Variants in ACTN2 observed in about 807,000 individuals in gnomAD.
ACTN2 encodes the protein actinin alpha 2.
In ACTN2, 39 loss-of-function variants were observed where a neutral mutation model predicts 113.8. That is an observed-to-expected ratio of 0.34 (90% CI 0.27 to 0.45). The LOEUF is 0.45. Ranked by LOEUF, ACTN2 falls within the 20% of genes least tolerant of loss-of-function variation. The pLI is 1.00. For synonymous variants in ACTN2, 429 were observed against 444.1 expected (o/e 0.97, Z 0.43); for missense variants, 992 against 1,177.9 (o/e 0.84, Z 2.31).
chr1:236,744,439 G>A (rs964983391), intron 11 of ACTN2, among the ~76,000 whole-genome samples, 187 bp from the exon 12 acceptor site: 1 of 152,114 alleles, frequency 6.6e-6, no homozygotes, highest in Non-Finnish European at 1.5e-5. Context: ...CTGAGAAGGG[G>A]CTGGGGCATC....
intron 1 of ACTN2, among the ~76,000 whole-genome samples, chr1:236,709,282 ATATATATG>A (rs1290850392): frequency 6.4e-5 from 9 of 141,010 alleles, no homozygotes; most frequent in East Asian, 4.2e-4. Context: ...ATATATATGT[ATATATATG>A]TATATATGTA....
chr1:236,764,039 G>A lies in ACTN2; in HGVS notation c.*1420G>A, dbSNP rs1659781311. The A allele has an allele frequency of 6.6e-6, 1 of 152,142 alleles. No individual in the cohort carries two copies. Among genetic ancestry groups the A allele is most frequent in the Non-Finnish European group, 1.5e-5 (1 of 68,040 alleles). The allele number at this position is 152,142 out of a possible 1,614,324, so 9.4% of individuals were successfully genotyped here. Reference sequence around the variant, plus strand: ...AGCATTACTAGAGAAGCAGTAACATGTCTGTTACCTACAGTCTGTTTGCTC... The same window carrying A: ...AGCATTACTAGAGAAGCAGTAACATATCTGTTACCTACAGTCTGTTTGCTC... On this transcript the variant is annotated 3_prime_UTR_variant, in exon 21 of 21. Coordinates refer to ENST00000366578, the MANE Select transcript of ACTN2 (RefSeq NM_001103.4).
chr1:236,712,208 C>G (rs540018306), intron 1 of ACTN2, among the ~76,000 whole-genome samples: 1 of 152,250 alleles, frequency 6.6e-6, no homozygotes, highest in African/African-American at 2.4e-5. Context: ...ACAGACTTTT[C>G]ACAGAAACAG....
chr1:236,694,392 T>G (rs1657404153), intron 1 of ACTN2, among the ~76,000 whole-genome samples: 1 of 151,806 alleles, frequency 6.6e-6, no homozygotes, highest in South Asian at 2.1e-4. Flanking sequence ...CCGGCTAATT[T>G]TTTTATTTTT....
At chr1:236,761,268 T>G in intron 20 of ACTN2, 95 bp downstream of exon 20, 3 of 1,450,230 alleles carry the variant, frequency 2.1e-6, no homozygotes, top group Non-Finnish European at 2.9e-6. Flanking sequence ...ACCATTTTTA[T>G]GCCGGTGTAT....
chr1:236,735,136 TTTACAGAG>T, intron 7 of ACTN2, among the ~76,000 whole-genome samples: 1 of 152,320 alleles, frequency 6.6e-6, no homozygotes, highest in African/African-American at 2.4e-5. Flanking sequence ...CGCAAGGCAC[TTTACAGAG>T]TAGAAATCCC....
chr1:236,718,815 A>G, intron 2 of ACTN2, 79 bp from the exon 3 acceptor site: 1 of 1,597,578 alleles, frequency 6.3e-7, no homozygotes, highest in South Asian at 1.1e-5. Flanking sequence ...GAAAAGATGG[A>G]TGCTTAGTTT....
In ACTN2 at chr1:236,744,745, G is replaced by C; in HGVS notation, c.1375G>C (p.Glu459Gln). The C allele has an allele frequency of 1.2e-6, 2 of 1,614,172 alleles. No homozygotes were observed. Among genetic ancestry groups the C allele is most frequent in the Non-Finnish European group, 1.7e-6 (2 of 1,180,030 alleles). The change falls in exon 12 of 21, where the codon GAG becomes CAG. Residue 459 changes from glutamate (E) to glutamine (Q), a missense_variant. By Grantham distance (29) the Glu-to-Gln change is conservative (BLOSUM62 2). This residue lies in a region of ACTN2 where 736 missense variants were observed against 815.4 expected (regional missense o/e 0.90). Transcript: ENST00000366578. Reference protein sequence around the residue: ...SDLAAHQDRVEQIAAIAQELN... With the variant: ...SDLAAHQDRVQQIAAIAQELN... ...CCTGGCAGCGCACCAGGACCGCGTG[G>C]AGCAGATCGCAGCCATCGCGCAGGA...
chr1:236,687,386 G>GC (rs1210039319), intron 1 of ACTN2, among the ~76,000 whole-genome samples: 22 of 152,290 alleles, frequency 1.4e-4, no homozygotes, highest in African/African-American at 5.3e-4. Flanking sequence ...GAGTCAGCCA[G>GC]CTTCTAAAAG....
intron 3 of ACTN2, 123 bp downstream of exon 3, chr1:236,719,136 G>A: frequency 2.1e-6 from 3 of 1,422,156 alleles, no homozygotes; most frequent in Non-Finnish European, 2.9e-6. Flanking sequence ...CTTGTATCAG[G>A]CTCTCTCTTA....
intron 3 of ACTN2, 92 bp from the exon 4 acceptor site, chr1:236,720,013 C>T (rs1324419504): frequency 3.5e-6 from 3 of 861,768 alleles, no homozygotes; most frequent in East Asian, 5.0e-5. Context: ...GCACATTTTC[C>T]AATAGCTCTG....
intron 1 of ACTN2, among the ~76,000 whole-genome samples, chr1:236,703,662 CT>C (rs879452598): frequency 0.042 from 5,949 of 141,960 alleles, 340 homozygotes; most frequent in African/African-American, 0.14. Flanking sequence ...AATGCTCTAT[CT>C]TTTTTTTTTT....
chr1:236,720,815 A>G (rs1006731211), intron 4 of ACTN2, among the ~76,000 whole-genome samples: 1 of 152,062 alleles, frequency 6.6e-6, no homozygotes, highest in African/African-American at 2.4e-5. Context: ...TGGCATTCTT[A>G]AAATTGGAAC....
At chr1:236,751,405 T>C (rs890234477) in intron 14 of ACTN2, 65 bp from the exon 15 acceptor site, 1 of 1,579,622 alleles carries the variant, frequency 6.3e-7, no homozygotes, top group South Asian at 1.1e-5. Context: ...CGGAAAGGAA[T>C]ATCAAAGCCT....
At chr1:236,712,504 G>A (rs1658056851) in intron 1 of ACTN2, among the ~76,000 whole-genome samples, 1 of 152,048 alleles carries the variant, frequency 6.6e-6, no homozygotes, top group Admixed American at 6.6e-5. Context: ...ATTACCTATG[G>A]TAAATTACCT....
rs750971577 is a variant in ACTN2 at position 236,762,627 on chromosome 1, C to G, written c.*8C>G. On this transcript the variant is annotated 3_prime_UTR_variant, in exon 21 of 21. Transcript: ENST00000366578. ...GGGGAGAGCGATCTGTGATGCTGAG[C>G]TTCTGTAATCACTCATCCCATCAGA... The G allele has an allele frequency of 1.9e-6, 3 of 1,613,442 alleles. No individual in the cohort carries two copies. In the Admixed American group the frequency reaches 5.0e-5, roughly 27 times the overall value.
intron 1 of ACTN2, among the ~76,000 whole-genome samples, chr1:236,689,533 CT>C (rs1427203107): frequency 6.6e-6 from 1 of 151,450 alleles, no homozygotes; most frequent in African/African-American, 2.4e-5. Context: ...ATTTTAAAAA[CT>C]TTTTTTGTAG....
chr1:236,728,204 T>C (rs977517124), intron 6 of ACTN2, among the ~76,000 whole-genome samples: 9 of 146,956 alleles, frequency 6.1e-5, no homozygotes, highest in Middle Eastern at 3.6e-3. Context: ...AGTGCAGTGG[T>C]GTGATCTCGG....
chr1:236,703,855 T>C (rs1385434389), intron 1 of ACTN2, among the ~76,000 whole-genome samples: 6 of 151,972 alleles, frequency 3.9e-5, no homozygotes. Flanking sequence ...AGCTGAAAAA[T>C]CAGAATTAGG....
Sources: gnomAD v4.1 joint callset for allele counts (sites outside exome capture counted in the v4.1 genomes callset) on GRCh38, gnomAD v4.1.1 for gene constraint, gnomAD v4.1.1 regional missense constraint, MANE v1.5 for transcripts, NCBI Gene and HGNC (gene_info 2026-07-23, HGNC 2026-07-21) for gene names.